Variants in NMT1 observed in about 807,000 individuals in gnomAD.
The protein encoded by NMT1 is N-myristoyltransferase 1, also known as glycylpeptide N-tetradecanoyltransferase 1.
Under a neutral mutation model 63.4 loss-of-function variants are expected in NMT1, and 12 were observed. That is an observed-to-expected ratio of 0.19 (90% CI 0.12 to 0.31). The LOEUF is 0.31. NMT1 is among the 10% of genes least tolerant of loss of function. The pLI is 1.00. For synonymous variants in NMT1, 228 were observed against 234.3 expected (o/e 0.97, Z 0.25); for missense variants, 432 against 634.6 (o/e 0.68, Z 3.43).
At position 45,061,383 on chromosome 17, in the gene NMT1, G is replaced by A. The variant is rs1229832497; in HGVS notation, c.54G>A (p.Gln18=). The stretch of plus-strand genomic sequence containing the variant: ...AGCCGCCGGCACCTCCGCTGCCGCA[G>A]ATGATGGAAGGGAACGGGAACGGCC... ...AVKPPAPPLP[Q]MMEGNGNGHE... is the part of the protein sequence containing the mutation. Residue 18 remains glutamine, a synonymous_variant, in exon 1 of 12, where the codon CAG becomes CAA. Transcript: ENST00000258960. The A allele has an allele frequency of 1.2e-6, 2 of 1,614,148 alleles. No homozygotes were observed. The highest frequency in any genetic ancestry group is 1.7e-6 in the Non-Finnish European group (2 of 1,180,014).
At chr17:45,061,541 T>G in intron 1 of NMT1, 81 bp downstream of exon 1, 2 of 1,295,820 alleles carry the variant, frequency 1.5e-6, no homozygotes. Context: ...CACCGGGAGC[T>G]TAGTCTAGCC....
Position 45,061,411 on chromosome 17 carries a change from G to A in NMT1, c.82G>A (p.Glu28Lys), listed in dbSNP as rs1159616651. The A allele has an allele frequency of 6.2e-7, 1 of 1,613,918 alleles. No homozygotes were observed. Among genetic ancestry groups the A allele is most frequent in the Non-Finnish European group, 8.5e-7 (1 of 1,179,988 alleles). The part of the protein sequence containing the change: ...QMMEGNGNGH[E>K]HCSDCENEED... ...GATGGAAGGGAACGGGAACGGCCATGAGCACTGCAGCGATTGCGAGAATGA... is the reference window on the plus strand; with the variant it reads ...GATGGAAGGGAACGGGAACGGCCATAAGCACTGCAGCGATTGCGAGAATGA... Residue 28 changes from glutamate to lysine, a missense_variant, in exon 1 of 12, where the codon GAG (glutamate) becomes AAG (lysine). This residue lies in a region of NMT1 where 121 missense variants were observed against 103.7 expected (regional missense o/e 1.17). Coordinates refer to ENST00000258960, the MANE Select transcript of NMT1 (RefSeq NM_021079.5).
At chr17:45,077,259 C>G (rs909843001) in intron 1 of NMT1, among the ~76,000 whole-genome samples, 4 of 152,064 alleles carry the variant, frequency 2.6e-5, no homozygotes, top group African/African-American at 9.7e-5. Flanking sequence ...GTTCCATAAG[C>G]TGTTATGGAA....
chr17:45,061,855 A>G (rs183813794), intron 1 of NMT1: 1 of 160,290 alleles, frequency 6.2e-6, no homozygotes, highest in East Asian at 1.8e-4. Context: ...AACGAATCAT[A>G]AAACATTTCG....
intron 3 of NMT1, among the ~76,000 whole-genome samples, chr17:45,089,585 G>C (rs761271575): frequency 6.6e-6 from 1 of 151,582 alleles, no homozygotes; most frequent in Non-Finnish European, 1.5e-5. Context: ...CGTGATCCAC[G>C]TGCCTTGGCC....
At chr17:45,071,911 G>C (rs984529165) in intron 1 of NMT1, among the ~76,000 whole-genome samples, 4 of 152,030 alleles carry the variant, frequency 2.6e-5, no homozygotes, top group African/African-American at 9.7e-5. Flanking sequence ...ACCTGTTTTA[G>C]CTTCTCAAGG....
Position 45,072,841 on chromosome 17 carries a change from G to A in NMT1, c.132-8803G>A, listed in dbSNP as rs566160480. On this transcript the variant is annotated intron_variant, in intron 1 of 11. Coordinates refer to ENST00000258960, the MANE Select transcript of NMT1 (RefSeq NM_021079.5). ...CCCAAAGTGCTGGGATTACAGGCGT[G>A]AGCCACCGCGCCTGGCCTATTTTTT... Among the ~76,000 whole-genome samples the A allele has an allele frequency of 1.1e-4, 16 of 152,118 alleles. No individual in the cohort carries two copies. In the East Asian group the frequency reaches 3.1e-3, roughly 30 times the overall value.
chr17:45,088,737 G>A lies in NMT1; in HGVS notation c.385+2085G>A, dbSNP rs557843170. Among the ~76,000 whole-genome samples, 4 of 149,040 alleles carry A rather than the reference G, an allele frequency of 2.7e-5. No homozygotes were observed. The South Asian group carries it at 8.5e-4, about 31-fold the overall frequency. On this transcript the variant is annotated intron_variant, in intron 3 of 11. Coordinates refer to ENST00000258960, the MANE Select transcript of NMT1 (RefSeq NM_021079.5). ...CCACTGCACTCCAGCCTGGGCAGCA[G>A]AGCAAGAATGCATCTCAAAAATGAA...
intron 1 of NMT1, among the ~76,000 whole-genome samples, chr17:45,075,031 C>A (rs1353594865): frequency 6.6e-6 from 1 of 152,112 alleles, no homozygotes; most frequent in African/African-American, 2.4e-5. Flanking sequence ...CTAAAATTAG[C>A]CAGGCATGGT....
chr17:45,105,101 G>T lies in NMT1; in HGVS notation c.1470+105G>T. On this transcript the variant is annotated intron_variant, in intron 11 of 11. Coordinates refer to ENST00000258960, the MANE Select transcript of NMT1 (RefSeq NM_021079.5). This position sits in a 1 kb window ranked among gnomAD's most constrained non-coding sequence, Gnocchi z 4.2. ...GGAGACAGCCGCAGTCTGGGTCCTT[G>T]TTACCTCGAGTTGAACCTTTGAAAA... 1 of 1,431,666 alleles carries T rather than the reference G, an allele frequency of 7.0e-7. No homozygotes were observed. The allele number at this position is 1,431,666 out of a possible 1,614,324, so 88.7% of individuals were successfully genotyped here.
At position 45,104,982 on chromosome 17, in the gene NMT1, A is replaced by T. The variant is rs1474867123; in HGVS notation, c.1456A>T (p.Met486Leu). 1 of 1,614,148 alleles carries T rather than the reference A, an allele frequency of 6.2e-7. No individual in the cohort carries two copies. Among genetic ancestry groups the T allele is most frequent in the Admixed American group, 1.7e-5 (1 of 60,030 alleles). ...CCTTTACAATTGGAAATGCCCCAGCATGGGGGCAGAGAAGGTAGGCGACAC... is the reference window on the plus strand; with the variant it reads ...CCTTTACAATTGGAAATGCCCCAGCTTGGGGGCAGAGAAGGTAGGCGACAC... ...YYLYNWKCPS[M>L]GAEKVGLVLQ Residue 486 changes from methionine to leucine, a missense_variant, in exon 11 of 12, where the codon ATG becomes TTG. Around this residue, in one of 4 missense-constraint regions of NMT1, gnomAD observed 13 missense variants for 16.7 expected, o/e 0.78. Coordinates refer to ENST00000258960, the MANE Select transcript of NMT1 (RefSeq NM_021079.5). The surrounding 1 kb of genome is among the most constrained non-coding windows in gnomAD (Gnocchi z 4.2).
rs2054185291 is a variant in NMT1, at chr17:45,103,913, G to A, written c.1332+37G>A. On this transcript the variant is annotated intron_variant, in intron 10 of 11. Transcript: ENST00000258960. The surrounding 1 kb of genome is among the most constrained non-coding windows in gnomAD (Gnocchi z 4.8). Reference sequence around the variant, plus strand: ...ACGGGGGGGTCTCTGGAGATGTGCAGGGAAGAGGCAGTGGAGCCATGGTGA... The same window carrying A: ...ACGGGGGGGTCTCTGGAGATGTGCAAGGAAGAGGCAGTGGAGCCATGGTGA... The A allele has an allele frequency of 6.2e-7, 1 of 1,610,418 alleles. No homozygotes were observed. Among genetic ancestry groups the A allele is most frequent in the African/African-American group, 1.3e-5 (1 of 74,920 alleles).
chr17:45,099,194 A>G (rs2054145215), intron 7 of NMT1, among the ~76,000 whole-genome samples: 1 of 152,178 alleles, frequency 6.6e-6, no homozygotes, highest in Admixed American at 6.5e-5. Context: ...GAAATTGAGC[A>G]AGAAAAATAG....
chr17:45,086,058 G>C (rs1214387546), intron 2 of NMT1, among the ~76,000 whole-genome samples: 2 of 151,124 alleles, frequency 1.3e-5, no homozygotes, highest in African/African-American at 2.4e-5. Context: ...CTGAGCTCAG[G>C]CAATCCACCT....
At chr17:45,095,815 A>G (rs2054121628) in intron 4 of NMT1, among the ~76,000 whole-genome samples, 1 of 152,112 alleles carries the variant, frequency 6.6e-6, no homozygotes, top group Admixed American at 6.5e-5. Context: ...AGATGGTAAA[A>G]AATCAGACAA....
rs953000304 is a variant in NMT1 at position 45,074,515 on chromosome 17, G to A, written c.132-7129G>A. Among the ~76,000 whole-genome samples the A allele has an allele frequency of 4.6e-5, 7 of 152,090 alleles. No homozygotes were observed. The South Asian group carries it at 1.4e-3, about 32-fold the overall frequency. On this transcript the variant is annotated intron_variant, in intron 1 of 11. Transcript: ENST00000258960. ...ATTACAGGCGTGAGCCATCGTGCCC[G>A]GCCGAGATGACATTTCTTGATTGCT...
At chr17:45,063,326 G>A (rs1385931981) in intron 1 of NMT1, among the ~76,000 whole-genome samples, 1 of 151,660 alleles carries the variant, frequency 6.6e-6, no homozygotes, top group Non-Finnish European at 1.5e-5. Context: ...TGTAATAAAA[G>A]TCTTCTTTTG....
At chr17:45,077,457 C>G (rs1425661834) in intron 1 of NMT1, among the ~76,000 whole-genome samples, 3 of 152,202 alleles carry the variant, frequency 2.0e-5, no homozygotes, top group African/African-American at 7.2e-5. Context: ...GTGGTGCAAT[C>G]TTGGCTTACC....
In NMT1 at chr17:45,099,459, C is replaced by T; in HGVS notation, c.939C>T (p.His313=). 6.2e-7 allele frequency: 1 copy of T among 1,614,164 alleles called. No homozygotes were observed. ...AGCTGATTGAAGTGAAGTTCTCCCA[C>T]CTGAGCAGAAATATGACCATGCAGC... ...PRKLIEVKFS[H]LSRNMTMQRT... Residue 313 remains histidine (H), a synonymous_variant, in exon 8 of 12, where the codon CAC becomes CAT. Transcript: ENST00000258960.
Sources: gnomAD v4.1 joint callset for allele counts (sites outside exome capture counted in the v4.1 genomes callset) on GRCh38, gnomAD v4.1.1 for gene constraint, gnomAD v4.1.1 regional missense constraint, Gnocchi (gnomAD v3.1) non-coding constraint, MANE v1.5 for transcripts, NCBI Gene and HGNC (gene_info 2026-07-23, HGNC 2026-07-21) for gene names.